DST: variants seen among roughly 807,000 people sequenced by gnomAD.
DST encodes the protein bullous pemphigoid antigen.
In DST, 253 loss-of-function variants were observed where a neutral mutation model predicts 875.2. The ratio of observed to expected loss-of-function variants is 0.29; its 90% CI spans 0.26 to 0.32. DST has a LOEUF of 0.32. Ranked by LOEUF, DST falls within the 10% of genes least tolerant of loss-of-function variation. The probability of loss-of-function intolerance (pLI) is 1.00; values close to 1 mark genes in which losing one functional copy is unlikely to be tolerated. For synonymous variants in DST, 3,124 were observed against 3,197.1 expected (o/e 0.98, Z 0.77); for missense variants, 8,287 against 9,111.6 (o/e 0.91, Z 3.68).
In DST at chr6:56,494,116, T is replaced by C; in HGVS notation, c.20288A>G (p.Gln6763Arg). The C allele has an allele frequency of 6.2e-7, 1 of 1,612,368 alleles. No individual in the cohort carries two copies. The highest frequency in any genetic ancestry group is 8.5e-7 in the Non-Finnish European group (1 of 1,178,872). ...TYKSLMQKGQ[Q>R]MLARCPKSAE... ...AGATTTTGGGCATCTTGCAAGCATC[T>C]GCTGGCCTTTCTGCATCAGACTCTT... The change falls in exon 83 of 104, where the codon CAG (glutamine) becomes CGG (arginine). Residue 6763 changes from glutamine to arginine, a missense_variant. Gln to Arg is a conservative substitution (Grantham distance 43). Coordinates refer to ENST00000680361, the MANE Select transcript of DST (RefSeq NM_001374736.1).
At chr6:56,918,379 A>T (rs1315375870) in intron 2 of DST, among the ~76,000 whole-genome samples, 1 of 152,114 alleles carries the variant, frequency 6.6e-6, no homozygotes, top group Non-Finnish European at 1.5e-5. Flanking sequence ...CACCCACCTC[A>T]GCCTCCCAAA....
chr6:56,736,085 TCAC>T (rs1178080012), intron 4 of DST, among the ~76,000 whole-genome samples: 3 of 152,108 alleles, frequency 2.0e-5, no homozygotes, highest in Non-Finnish European at 4.4e-5. Flanking sequence ...AGTAAGGGTT[TCAC>T]CATGTTGGCC....
At position 56,664,991 on chromosome 6, in the gene DST, T is replaced by C. The variant is rs79117876; in HGVS notation, c.1214+5650A>G. ...TATTTAAATAGAAGCTATAGAACTA[T>C]CCCTTGCAATCTCTTCCACTAAATC... On this transcript the variant is annotated intron_variant, in intron 10 of 103. Transcript: ENST00000680361. 5.2e-3 allele frequency among the ~76,000 whole-genome samples: 798 copies of C among 152,298 alleles called. 7 individuals are homozygous for C. Among genetic ancestry groups the C allele is most frequent in the African/African-American group, 0.018 (763 of 41,580 alleles).
chr6:56,625,102 A>C, intron 35 of DST, 55 bp downstream of exon 35: 1 of 1,229,236 alleles, frequency 8.1e-7, no homozygotes, highest in Non-Finnish European at 1.2e-6. Flanking sequence ...AAATTTAAAA[A>C]GTAAGTGTTC....
chr6:56,771,723 A>T (rs2099666378), intron 4 of DST, among the ~76,000 whole-genome samples: 1 of 152,216 alleles, frequency 6.6e-6, no homozygotes, highest in Non-Finnish European at 1.5e-5. Flanking sequence ...TGCATCAAAC[A>T]CTAGAAATCA....
chr6:56,950,384 C>T (rs1461462188), intron 2 of DST, among the ~76,000 whole-genome samples: 2 of 152,080 alleles, frequency 1.3e-5, no homozygotes, highest in East Asian at 3.8e-4. Flanking sequence ...TGAAGTACTC[C>T]CAAGACCCTT....
At chr6:56,663,953 T>A (rs532406283) in intron 10 of DST, among the ~76,000 whole-genome samples, 3 of 152,258 alleles carry the variant, frequency 2.0e-5, no homozygotes, top group Non-Finnish European at 2.9e-5. Flanking sequence ...AGGAAAATTA[T>A]TTATTTATTT....
intron 15 of DST, among the ~76,000 whole-genome samples, chr6:56,645,097 T>C (rs1027441546): frequency 6.6e-6 from 1 of 152,214 alleles, no homozygotes; most frequent in Non-Finnish European, 1.5e-5. Flanking sequence ...TGTGAGTCAA[T>C]TAAACCTCTT....
In DST at chr6:56,627,042, G is replaced by A. The variant is rs112922296; in HGVS notation, c.4722+162C>T. On this transcript the variant is annotated intron_variant, in intron 34 of 103. Coordinates refer to ENST00000680361, the MANE Select transcript of DST (RefSeq NM_001374736.1). Reference sequence around the variant, plus strand: ...AAGAAGACGAATGAACTGGGGGGCTGTCATGTGACTAATTTCACAAAGAAT... The same window carrying A: ...AAGAAGACGAATGAACTGGGGGGCTATCATGTGACTAATTTCACAAAGAAT... Among the ~76,000 whole-genome samples the A allele has an allele frequency of 0.022, 3,360 of 152,236 alleles. 109 individuals carry two copies. Among genetic ancestry groups the A allele is most frequent in the African/African-American group, 0.076 (3,163 of 41,536 alleles).
chr6:56,808,052 T>G (rs771758242), intron 4 of DST, among the ~76,000 whole-genome samples: 13 of 152,146 alleles, frequency 8.5e-5, no homozygotes, highest in Non-Finnish European at 1.6e-4. Flanking sequence ...TCACTATACG[T>G]TAATAAACAA....
At chr6:56,880,808 A>T (rs1170568819) in intron 3 of DST, among the ~76,000 whole-genome samples, 1 of 147,712 alleles carries the variant, frequency 6.8e-6, no homozygotes, top group Non-Finnish European at 1.5e-5. Flanking sequence ...TACTTAATAT[A>T]GTCCCTAGTA....
At chr6:56,868,775 A>G (rs1775537266) in intron 3 of DST, among the ~76,000 whole-genome samples, 1 of 152,246 alleles carries the variant, frequency 6.6e-6, no homozygotes, top group African/African-American at 2.4e-5. Context: ...ACTCCAAATT[A>G]TAACAAAACA....
At chr6:56,580,748 G>C (rs548309609) in intron 49 of DST, among the ~76,000 whole-genome samples, 322 of 124,044 alleles carry the variant, frequency 2.6e-3, no homozygotes, top group African/African-American at 9.1e-3. Flanking sequence ...TTTTTTGGTT[G>C]GGGGGGCAGC....
chr6:56,660,875 G>A (rs1241058640), intron 10 of DST, among the ~76,000 whole-genome samples: 1 of 151,470 alleles, frequency 6.6e-6, no homozygotes, highest in Non-Finnish European at 1.5e-5. Context: ...AAGGTAGACA[G>A]CAAAGATGAG....
At chr6:56,707,439 C>A (rs538186953) in intron 5 of DST, among the ~76,000 whole-genome samples, 2 of 152,336 alleles carry the variant, frequency 1.3e-5, no homozygotes, top group East Asian at 1.9e-4. Context: ...AGCTCCTGAT[C>A]CTCAGCCAGC....
chr6:56,622,109 G>A (rs901138818), intron 36 of DST, among the ~76,000 whole-genome samples: 4 of 152,076 alleles, frequency 2.6e-5, no homozygotes, highest in Non-Finnish European at 5.9e-5. Flanking sequence ...TTCTTGAGGA[G>A]GTTATTTCTA....
chr6:56,739,664 T>G (rs972530573), intron 4 of DST, among the ~76,000 whole-genome samples: 5 of 152,086 alleles, frequency 3.3e-5, no homozygotes, highest in African/African-American at 1.2e-4. Flanking sequence ...ATAAAACAGA[T>G]TGCAGTAAAG....
chr6:56,912,109 T>G (rs985500049), intron 2 of DST, among the ~76,000 whole-genome samples: 25 of 152,154 alleles, frequency 1.6e-4, no homozygotes, highest in African/African-American at 6.0e-4. Flanking sequence ...CTGTAAGAAA[T>G]ATTCATGTAT....
chr6:56,608,131 C>T lies in DST; in HGVS notation c.6497G>A (p.Cys2166Tyr), dbSNP rs762996478. 4 of 1,613,666 alleles carry T rather than the reference C, an allele frequency of 2.5e-6. No individual in the cohort carries two copies. Among genetic ancestry groups the T allele is most frequent in the Admixed American group, 1.7e-5 (1 of 59,944 alleles). Residue 2166 changes from cysteine to tyrosine, a missense_variant, in exon 40 of 104, where the codon TGT (cysteine) becomes TAT (tyrosine). By Grantham distance (194) the Cys-to-Tyr change is radical. Transcript: ENST00000680361. ...CKNARRWLSF[C>Y]KFQPSTVHDY... ...ATGAACTGTGGAGGGTTGAAATTTACAAAAAGAGAGCCATCTTCTGGCATT... is the reference window on the plus strand; with the variant it reads ...ATGAACTGTGGAGGGTTGAAATTTATAAAAAGAGAGCCATCTTCTGGCATT...
Sources: gnomAD v4.1 joint callset for allele counts (sites outside exome capture counted in the v4.1 genomes callset) on GRCh38, gnomAD v4.1.1 for gene constraint, MANE v1.5 for transcripts, NCBI Gene and HGNC (gene_info 2026-07-23, HGNC 2026-07-21) for gene names.